ABLIM1: variants seen among roughly 807,000 people sequenced by gnomAD.
The protein encoded by ABLIM1 is actin binding LIM protein 1, also known as actin-binding LIM protein 1.
ABLIM1 carries 40 observed loss-of-function variants against 107.0 expected under a neutral mutation model. That is an observed-to-expected ratio of 0.37 (90% confidence interval 0.29 to 0.49). The LOEUF (loss-of-function observed/expected upper bound fraction) is 0.49, where lower values mean the gene tolerates loss of function less well. ABLIM1 is among the 20% of genes least tolerant of loss of function. The pLI is 0.97. For synonymous variants in ABLIM1, 357 were observed against 357.3 expected (o/e 1.00, Z 0.01); for missense variants, 857 against 1,008.5 (o/e 0.85, Z 2.04).
intron 1 of ABLIM1, among the ~76,000 whole-genome samples, chr10:114,756,444 G>A (rs1464936405): frequency 6.6e-6 from 1 of 152,014 alleles, no homozygotes; most frequent in East Asian, 1.9e-4. Flanking sequence ...CCCTAAAACA[G>A]ACCTTGTTGC....
At chr10:114,674,837 A>G (rs1423344821) in intron 1 of ABLIM1, among the ~76,000 whole-genome samples, 1 of 152,050 alleles carries the variant, frequency 6.6e-6, no homozygotes, top group Non-Finnish European at 1.5e-5. Flanking sequence ...AGACTAGAAA[A>G]ATATTTTCTT....
intron 1 of ABLIM1, among the ~76,000 whole-genome samples, chr10:114,681,273 G>A (rs770648865): frequency 9.9e-5 from 15 of 152,122 alleles, no homozygotes; most frequent in Non-Finnish European, 1.9e-4. Flanking sequence ...TCAGCTCAAC[G>A]CAACCTCCGC....
At chr10:114,647,555 G>C (rs1405850059) in intron 1 of ABLIM1, among the ~76,000 whole-genome samples, 2 of 152,212 alleles carry the variant, frequency 1.3e-5, no homozygotes, top group African/African-American at 4.8e-5. Context: ...AATGATCCAG[G>C]TCATGATGGA....
At chr10:114,598,274 CAA>C (rs58133284) in intron 2 of ABLIM1, among the ~76,000 whole-genome samples, 3 of 63,812 alleles carry the variant, frequency 4.7e-5, no homozygotes, top group Non-Finnish European at 8.1e-5. Flanking sequence ...AACTCCATCT[CAA>C]AAAAAAAAAA....
At chr10:114,523,912 G>T (rs2064184065) in intron 6 of ABLIM1, among the ~76,000 whole-genome samples, 1 of 152,178 alleles carries the variant, frequency 6.6e-6, no homozygotes, top group African/African-American at 2.4e-5. Flanking sequence ...TCTACTGAAT[G>T]GGGGGAGAGG....
intron 1 of ABLIM1, among the ~76,000 whole-genome samples, chr10:114,631,463 TA>T (rs2078170944): frequency 1.3e-5 from 2 of 152,148 alleles, no homozygotes; most frequent in South Asian, 4.2e-4. Flanking sequence ...CAGCCGGATC[TA>T]GCGAGGCCTG....
At position 114,644,568 on chromosome 10, in the gene ABLIM1, G is replaced by A. The variant is rs150071015; in HGVS notation, c.244+13389C>T. The stretch of plus-strand genomic sequence containing the variant: ...TGTCCCTGCTCTACCCATCTTGTGA[G>A]TAGGCACTGAGCCGTATGACTCCTC... On this transcript the variant is annotated intron_variant, in intron 1 of 22. Coordinates refer to ENST00000533213, the MANE Select transcript of ABLIM1 (RefSeq NM_002313.7). Among the ~76,000 whole-genome samples the A allele has an allele frequency of 7.2e-3, 1,099 of 151,928 alleles. 13 individuals carry two copies. Among genetic ancestry groups the A allele is most frequent in the African/African-American group, 0.024 (1,014 of 41,440 alleles).
At chr10:114,718,524 C>A (rs1178316679) in intron 1 of ABLIM1, among the ~76,000 whole-genome samples, 4 of 152,172 alleles carry the variant, frequency 2.6e-5, no homozygotes, top group Non-Finnish European at 5.9e-5. Context: ...CTGATTCAGG[C>A]GGGGTGATTA....
At chr10:114,472,013 C>T (rs1448127352) in intron 10 of ABLIM1, among the ~76,000 whole-genome samples, 1 of 151,660 alleles carries the variant, frequency 6.6e-6, no homozygotes, top group African/African-American at 2.4e-5. Flanking sequence ...AGGGGAGGAC[C>T]CCAAGGGGCT....
chr10:114,549,293 A>G (rs61073231), intron 4 of ABLIM1, among the ~76,000 whole-genome samples: 2,043 of 152,306 alleles, frequency 0.013, 37 homozygotes, highest in African/African-American at 0.046. Context: ...CTGAGGCAGG[A>G]GAATTGCTTG....
intron 1 of ABLIM1, among the ~76,000 whole-genome samples, chr10:114,718,125 G>T (rs2081744855): frequency 9.3e-6 from 1 of 107,578 alleles, no homozygotes; most frequent in Non-Finnish European, 2.3e-5. Flanking sequence ...GAAAGAAAAA[G>T]AAAGAAAAGA....
intron 6 of ABLIM1, among the ~76,000 whole-genome samples, chr10:114,508,371 T>C (rs2061428492): frequency 6.6e-6 from 1 of 152,148 alleles, no homozygotes; most frequent in South Asian, 2.1e-4. Flanking sequence ...TTAAGATACA[T>C]TCTAGCTCCA....
At chr10:114,534,370 C>A (rs2065767249) in intron 6 of ABLIM1, among the ~76,000 whole-genome samples, 1 of 152,044 alleles carries the variant, frequency 6.6e-6, no homozygotes. Flanking sequence ...TCCCTTACTG[C>A]ACTTGGTGGT....
At chr10:114,680,956 C>A (rs2080720796) in intron 1 of ABLIM1, among the ~76,000 whole-genome samples, 1 of 152,158 alleles carries the variant, frequency 6.6e-6, no homozygotes, top group South Asian at 2.1e-4. Flanking sequence ...AGGGATGGCT[C>A]TATGACTCAC....
intron 1 of ABLIM1, among the ~76,000 whole-genome samples, chr10:114,755,609 C>G (rs919602698): frequency 6.6e-6 from 1 of 152,216 alleles, no homozygotes; most frequent in Admixed American, 6.5e-5. Context: ...CAGTACTTGT[C>G]TAGCCGGCTT....
chr10:114,461,343 T>C (rs949099231), intron 12 of ABLIM1, among the ~76,000 whole-genome samples: 1 of 151,790 alleles, frequency 6.6e-6, no homozygotes, highest in Non-Finnish European at 1.5e-5. Flanking sequence ...AAATCTTAAT[T>C]TGGCTAATGG....
chr10:114,484,351 G>A (rs981300688), intron 8 of ABLIM1, among the ~76,000 whole-genome samples: 3 of 152,102 alleles, frequency 2.0e-5, no homozygotes, highest in Admixed American at 6.5e-5. Flanking sequence ...GTAGGTGCCT[G>A]TTCTCAGTTT....
chr10:114,471,261 T>C (rs1339542595), intron 10 of ABLIM1, among the ~76,000 whole-genome samples: 4 of 152,226 alleles, frequency 2.6e-5, no homozygotes, highest in African/African-American at 9.6e-5. Flanking sequence ...AATGTTTTAC[T>C]GCCTTGATGG....
At chr10:114,680,663 G>T (rs73371850) in intron 1 of ABLIM1, among the ~76,000 whole-genome samples, 5,272 of 152,142 alleles carry the variant, frequency 0.035, 296 homozygotes, top group African/African-American at 0.12. Flanking sequence ...TATCCCGAAG[G>T]ATCCCCCGGG....
Sources: gnomAD v4.1 joint callset for allele counts (sites outside exome capture counted in the v4.1 genomes callset) on GRCh38, gnomAD v4.1.1 for gene constraint, MANE v1.5 for transcripts, NCBI Gene and HGNC (gene_info 2026-07-23, HGNC 2026-07-21) for gene names.